The following SLC47A1 variants were observed in gnomAD, a reference collection of about 807,000 sequenced individuals.
SLC47A1 encodes the protein solute carrier family 47 member 1, also known as multidrug and toxin extrusion protein 1.
Under a neutral mutation model 65.8 loss-of-function variants are expected in SLC47A1, and 58 were observed. The ratio of observed to expected loss-of-function variants is 0.88; its 90% CI spans 0.71 to 1.10. The LOEUF (loss-of-function observed/expected upper bound fraction) is 1.10. SLC47A1 is among the 50% of genes least tolerant of loss of function. The pLI is 0.00. For missense variants in SLC47A1, 706 were observed against 719.2 expected (o/e 0.98, Z 0.21); for synonymous variants, 285 against 295.0 (o/e 0.97, Z 0.35).
intron 2 of SLC47A1, among the ~76,000 whole-genome samples, chr17:19,544,577 A>T (rs1035819350): frequency 6.6e-6 from 1 of 152,160 alleles, no homozygotes; most frequent in Admixed American, 6.5e-5. Context: ...TCGAAACTTC[A>T]GGGTTTGCTG....
chr17:19,545,496 AT>A (rs946574455), intron 2 of SLC47A1, among the ~76,000 whole-genome samples: 253 of 139,580 alleles, frequency 1.8e-3, no homozygotes, highest in African/African-American at 5.1e-3. Flanking sequence ...TCGGCCAGAA[AT>A]TTTTTTTTTT....
intron 12 of SLC47A1, among the ~76,000 whole-genome samples, chr17:19,560,978 C>T (rs116778854): frequency 5.2e-4 from 79 of 151,848 alleles, no homozygotes; most frequent in African/African-American, 1.4e-3. Context: ...AAAAAGAGGC[C>T]GGGCACAGTG....
chr17:19,550,491 T>C (rs1597498993), intron 5 of SLC47A1, among the ~76,000 whole-genome samples: 1 of 152,286 alleles, frequency 6.6e-6, no homozygotes, highest in East Asian at 1.9e-4. Flanking sequence ...AATTTTTGTA[T>C]TTTTTGTAGA....
In SLC47A1 at chr17:19,577,219, G is replaced by T. The variant is rs913060095; in HGVS notation, c.1487-108G>T. The T allele has an allele frequency of 6.2e-6, 9 of 1,442,878 alleles. No homozygotes were observed. In the African/African-American group the frequency reaches 1.1e-4, roughly 18 times the overall value. The allele number at this position is 1,442,878 out of a possible 1,614,324, so 89.4% of individuals were successfully genotyped here. On this transcript the variant is annotated intron_variant, in intron 16 of 16. Transcript: ENST00000270570. ...TTATTCACTGTAGCAATAGTGTCCTGAATTAACTTTCTCTCCACTATTAGC... is the reference window on the plus strand; with the variant it reads ...TTATTCACTGTAGCAATAGTGTCCTTAATTAACTTTCTCTCCACTATTAGC...
chr17:19,545,487 C>T (rs769604374), intron 2 of SLC47A1, among the ~76,000 whole-genome samples: 5 of 148,588 alleles, frequency 3.4e-5, no homozygotes, highest in Admixed American at 6.7e-5. Context: ...CCACTATGCT[C>T]GGCCAGAAAT....
At position 19,555,232 on chromosome 17, in the gene SLC47A1, C is replaced by T. The variant is rs914860381; in HGVS notation, c.564C>T (p.Ile188=). Reference sequence around the variant, plus strand: ...TCCAGGGAATTGTACTGCCCCAGATCGTAACTGGAGTTGCAGCCAACCTTG... The same window carrying T: ...TCCAGGGAATTGTACTGCCCCAGATTGTAACTGGAGTTGCAGCCAACCTTG... The part of the protein sequence containing the change: ...LLNQGIVLPQ[I]VTGVAANLVN... Residue 188 remains isoleucine (I), a synonymous_variant, in exon 7 of 17, where the codon ATC becomes ATT. Coordinates refer to ENST00000270570, the MANE Select transcript of SLC47A1 (RefSeq NM_018242.3). 5.0e-6 allele frequency: 8 copies of T among 1,614,074 alleles called. No homozygotes were observed. The highest frequency in any genetic ancestry group is 4.0e-5 in the African/African-American group (3 of 74,934).
chr17:19,555,708 G>C lies in SLC47A1; in HGVS notation c.739+18G>C, dbSNP rs376441180. On this transcript the variant is annotated intron_variant, in intron 8 of 16. Transcript: ENST00000270570. ...ATGGGGAGGTAATGACTGCCCTTTT[G>C]TCTTCCAACTGGGATGTGGGTTTTG... The C allele has an allele frequency of 4.3e-6, 7 of 1,613,882 alleles. No individual in the cohort carries two copies. The highest frequency in any genetic ancestry group is 5.9e-6 in the Non-Finnish European group (7 of 1,179,866).
At chr17:19,563,976 G>A (rs775606050) in intron 12 of SLC47A1, among the ~76,000 whole-genome samples, 3 of 147,468 alleles carry the variant, frequency 2.0e-5, no homozygotes, top group Non-Finnish European at 3.0e-5. Context: ...GCGACAGAGC[G>A]AGACTCCGTC....
Position 19,555,852 on chromosome 17 carries a change from A to G in SLC47A1, c.796A>G (p.Ser266Gly). 1 of 1,613,796 alleles carries G rather than the reference A, an allele frequency of 6.2e-7. No individual in the cohort carries two copies. The highest frequency in any genetic ancestry group is 2.2e-5 in the East Asian group (1 of 44,872). Residue 266 changes from serine (S) to glycine (G), a missense_variant, in exon 9 of 17, where the codon AGC becomes GGC. Ser to Gly is a moderately conservative substitution (Grantham distance 56). Coordinates refer to ENST00000270570, the MANE Select transcript of SLC47A1 (RefSeq NM_018242.3). ...CTCCTTCCTCCGCCTGGCCATCCCC[A>G]GCATGCTCATGCTGTGCATGGAGTG... is the stretch of plus-strand genomic sequence containing the variant. ...WASFLRLAIP[S>G]MLMLCMEWWA...
chr17:19,570,623 C>T (rs1256797015), intron 14 of SLC47A1, among the ~76,000 whole-genome samples: 1 of 152,170 alleles, frequency 6.6e-6, no homozygotes, highest in Admixed American at 6.5e-5. Context: ...GGTTAGCTTC[C>T]TGGATTGTTA....
intron 16 of SLC47A1, among the ~76,000 whole-genome samples, chr17:19,576,755 T>G (rs2084443241): frequency 6.6e-6 from 1 of 150,794 alleles, no homozygotes; most frequent in Admixed American, 6.6e-5. Context: ...TTTTTTTCCC[T>G]TGGAGTGGAG....
At chr17:19,564,860 A>T (rs1048896990) in intron 12 of SLC47A1, among the ~76,000 whole-genome samples, 1 of 152,142 alleles carries the variant, frequency 6.6e-6, no homozygotes, top group African/African-American at 2.4e-5. Context: ...AGCTGGGATT[A>T]CAGGCATGCA....
At chr17:19,552,602 T>C (rs562146648) in intron 6 of SLC47A1, among the ~76,000 whole-genome samples, 1 of 151,950 alleles carries the variant, frequency 6.6e-6, no homozygotes, top group South Asian at 2.1e-4. Context: ...GGACAATGAG[T>C]GTGAAAGTCT....
intron 16 of SLC47A1, among the ~76,000 whole-genome samples, chr17:19,575,668 G>A (rs2084434061): frequency 2.0e-5 from 3 of 152,032 alleles, no homozygotes; most frequent in African/African-American, 7.2e-5. Flanking sequence ...TCAAAGTGTT[G>A]GGATTACAGG....
intron 16 of SLC47A1, 143 bp from the exon 17 acceptor site, chr17:19,577,184 T>C (rs2084447371): frequency 2.5e-6 from 3 of 1,210,358 alleles, no homozygotes; most frequent in Non-Finnish European, 3.4e-6. Flanking sequence ...TGCGATAAGA[T>C]TTCTTTTATT....
At chr17:19,548,396 C>T (rs746264311) in intron 4 of SLC47A1, among the ~76,000 whole-genome samples, 6 of 152,056 alleles carry the variant, frequency 3.9e-5, no homozygotes, top group South Asian at 2.1e-4. Context: ...TAGTTTGTGA[C>T]GTTTGCTCAA....
chr17:19,550,606 C>T (rs770395149), intron 5 of SLC47A1, among the ~76,000 whole-genome samples: 1 of 152,202 alleles, frequency 6.6e-6, no homozygotes, highest in Non-Finnish European at 1.5e-5. Context: ...TGAGCCACCA[C>T]ACCTGGCCTG....
intron 14 of SLC47A1, among the ~76,000 whole-genome samples, chr17:19,569,835 G>GGTTC (rs2152317160): frequency 6.6e-6 from 1 of 152,324 alleles, no homozygotes; most frequent in South Asian, 2.1e-4. Context: ...TGTTTAAGGT[G>GGTTC]GTTCAGGTGA....
chr17:19,560,391 T>A (rs780758084), intron 11 of SLC47A1, 27 bp from the exon 12 acceptor site: 1 of 1,613,904 alleles, frequency 6.2e-7, no homozygotes. Context: ...TTCACTGTGT[T>A]GTTTCTTCTG....
Sources: allele counts gnomAD v4.1 joint callset (sites outside exome capture counted in the v4.1 genomes callset), GRCh38; gene constraint gnomAD v4.1.1; transcripts MANE v1.5; gene names NCBI Gene and HGNC (gene_info 2026-07-23, HGNC 2026-07-21).